The following DAPK2 variants were observed in gnomAD, a reference collection of about 807,000 sequenced individuals.
DAPK2 encodes the protein death associated protein kinase 2, also known as death-associated protein kinase 2.
Under a neutral mutation model 44.1 loss-of-function variants are expected in DAPK2, and 35 were observed. The observed-to-expected ratio is 0.79, with a 90% confidence interval of 0.61 to 1.05. DAPK2 has a LOEUF of 1.05. DAPK2 is among the 50% of genes least tolerant of loss of function. The pLI, the probability that DAPK2 is intolerant of heterozygous loss-of-function variation, is 0.00. For synonymous variants in DAPK2, 174 were observed against 182.6 expected, an observed-to-expected ratio of 0.95 and a Z score of 0.38; for missense variants, 453 against 483.2, an observed-to-expected ratio of 0.94 and a Z score of 0.59.
intron 1 of DAPK2, among the ~76,000 whole-genome samples, chr15:64,036,271 A>ATGTGTGTG (rs1297163093): frequency 2.2e-4 from 19 of 85,332 alleles, no homozygotes; most frequent in African/African-American, 5.4e-4. Flanking sequence ...AAATATATAT[A>ATGTGTGTG]TATGTGTGTG....
chr15:64,032,190 G>A (rs978140837), intron 1 of DAPK2, among the ~76,000 whole-genome samples: 1 of 152,194 alleles, frequency 6.6e-6, no homozygotes, highest in Non-Finnish European at 1.5e-5. Flanking sequence ...AAAACCCTAT[G>A]TGTAACATGA....
intron 3 of DAPK2, among the ~76,000 whole-genome samples, chr15:63,950,376 T>A (rs945119858): frequency 6.6e-6 from 1 of 151,892 alleles, no homozygotes; most frequent in African/African-American, 2.4e-5. Flanking sequence ...CCACCACATC[T>A]GGCTAATTAA....
chr15:63,985,506 C>T (rs560709717), intron 1 of DAPK2, among the ~76,000 whole-genome samples: 3 of 152,200 alleles, frequency 2.0e-5, no homozygotes, highest in Non-Finnish European at 4.4e-5. Context: ...CTCTCCTCTC[C>T]GACACCTCAA....
At chr15:64,004,501 T>C (rs762803988) in intron 1 of DAPK2, among the ~76,000 whole-genome samples, 9 of 152,226 alleles carry the variant, frequency 5.9e-5, no homozygotes, top group East Asian at 1.9e-4. Flanking sequence ...CTGATACCTT[T>C]GCCTGGATGG....
Position 63,915,767 on chromosome 15 carries a change from G to A in DAPK2, c.859-3570C>T, listed in dbSNP as rs1037270358. On this transcript the variant is annotated intron_variant, in intron 8 of 10. Coordinates refer to ENST00000261891, the Ensembl canonical transcript of DAPK2. ...CACCAACCCTGAGGAGGCAGCATGG[G>A]GCTATCATTCTGTCAGGCTGGCCTT... is the stretch of plus-strand genomic sequence containing the variant. 5.9e-5 allele frequency among the ~76,000 whole-genome samples: 9 copies of A among 152,300 alleles called. 1 individual carries two copies. In the South Asian group the frequency reaches 1.9e-3, roughly 32 times the overall value.
At chr15:63,994,936 A>G (rs1024701220) in intron 1 of DAPK2, among the ~76,000 whole-genome samples, 1 of 151,988 alleles carries the variant, frequency 6.6e-6, no homozygotes, top group African/African-American at 2.4e-5. Flanking sequence ...TGTAGATACT[A>G]TTTTGAAGCC....
chr15:64,037,254 C>G (rs372976429), intron 1 of DAPK2, among the ~76,000 whole-genome samples: 1 of 152,220 alleles, frequency 6.6e-6, no homozygotes, highest in Non-Finnish European at 1.5e-5. Context: ...CAAGGCCACA[C>G]TGGCCTCCTG....
intron 1 of DAPK2, among the ~76,000 whole-genome samples, chr15:64,003,008 G>T (rs973922370): frequency 2.7e-5 from 4 of 150,234 alleles, no homozygotes; most frequent in Non-Finnish European, 5.9e-5. Context: ...GTGTGTGTGT[G>T]TGTGTGTCGT....
At chr15:63,993,641 C>G (rs960745758) in intron 1 of DAPK2, among the ~76,000 whole-genome samples, 2 of 152,056 alleles carry the variant, frequency 1.3e-5, no homozygotes, top group African/African-American at 4.8e-5. Flanking sequence ...TTGCCTCTCC[C>G]AGACATGCAG....
chr15:63,989,082 AG>A (rs1049070308), intron 1 of DAPK2, among the ~76,000 whole-genome samples: 16 of 149,614 alleles, frequency 1.1e-4, no homozygotes, highest in Non-Finnish European at 2.4e-4. Flanking sequence ...TGGGAGGCTG[AG>A]GTATGAAAAT....
chr15:64,010,817 G>A (rs2079371470), intron 1 of DAPK2, among the ~76,000 whole-genome samples: 1 of 152,188 alleles, frequency 6.6e-6, no homozygotes, highest in African/African-American at 2.4e-5. Flanking sequence ...GGTGGGGTGG[G>A]TTTGTGTGTA....
chr15:64,045,030 C>A (rs528780736), upstream of DAPK2, among the ~76,000 whole-genome samples: 3 of 152,348 alleles, frequency 2.0e-5, no homozygotes, highest in South Asian at 4.1e-4. Context: ...AGGTCAGCCA[C>A]CTGCCTGAGT....
chr15:63,962,685 T>C (rs1054448634), intron 3 of DAPK2, among the ~76,000 whole-genome samples: 3 of 152,232 alleles, frequency 2.0e-5, no homozygotes, highest in African/African-American at 7.2e-5. Context: ...GAACGGTAGA[T>C]GTTGCTGCCT....
At chr15:63,963,891 G>C (rs185217161) in intron 3 of DAPK2, among the ~76,000 whole-genome samples, 1 of 152,092 alleles carries the variant, frequency 6.6e-6, no homozygotes, top group Admixed American at 6.5e-5. Flanking sequence ...TTTTGTTTCT[G>C]TTTATATCTT....
intron 3 of DAPK2, chr15:63,942,383 C>T (rs1216395750): frequency 4.8e-6 from 1 of 209,004 alleles, no homozygotes. Flanking sequence ...GAAACCCCAT[C>T]TCTACTACAA....
At chr15:63,991,364 G>A (rs1326279136) in intron 1 of DAPK2, 1 of 455,900 alleles carries the variant, frequency 2.2e-6, no homozygotes, top group South Asian at 1.5e-5. Context: ...GCAAACAGAA[G>A]AGGGCACAGG....
chr15:63,982,351 C>T (rs1470537729), intron 2 of DAPK2, among the ~76,000 whole-genome samples: 10 of 151,972 alleles, frequency 6.6e-5, no homozygotes, highest in African/African-American at 1.7e-4. Flanking sequence ...CCACCACACC[C>T]GGCTAATTTT....
At position 63,923,297 on chromosome 15, in the gene DAPK2, G is replaced by C. The variant is rs73450788; in HGVS notation, c.858+1519C>G. 187 of 1,535,936 alleles carry C rather than the reference G, an allele frequency of 1.2e-4. No individual in the cohort carries two copies. In the African/African-American group the frequency reaches 2.2e-3, roughly 18 times the overall value. On this transcript the variant is annotated intron_variant, in intron 8 of 10. Transcript: ENST00000261891. This position sits in a 1 kb window ranked among gnomAD's most constrained non-coding sequence, Gnocchi z 4.2. ...TCTCAGGTGCTTGGTCTTCAGCTGG[G>C]TGGGCTCTGTCTTCCGCTGTTCAGG...
intron 1 of DAPK2, among the ~76,000 whole-genome samples, chr15:64,009,049 A>C (rs1595886923): frequency 6.6e-6 from 1 of 152,314 alleles, no homozygotes; most frequent in East Asian, 1.9e-4. Flanking sequence ...TGTCCTGGAC[A>C]TGAGGCCCTC....
Sources: gnomAD v4.1 joint callset for allele counts (sites outside exome capture counted in the v4.1 genomes callset) on GRCh38, gnomAD v4.1.1 for gene constraint, Gnocchi (gnomAD v3.1) non-coding constraint, MANE v1.5 for transcripts, NCBI Gene and HGNC (gene_info 2026-07-23, HGNC 2026-07-21) for gene names.